RANBP2: variants seen among roughly 807,000 people sequenced by gnomAD.
RANBP2 encodes the protein E3 SUMO-protein ligase RanBP2.
RANBP2 carries 57 observed loss-of-function variants against 303.6 expected under a neutral mutation model. The ratio of observed to expected loss-of-function variants is 0.19; its 90% CI spans 0.15 to 0.23. The LOEUF (loss-of-function observed/expected upper bound fraction) is 0.23, where lower values mean the gene tolerates loss of function less well. Among genes scored for constraint, RANBP2 ranks in the 10% least tolerant of loss-of-function variants. RANBP2 has a pLI of 1.00. For synonymous variants in RANBP2, 1,167 were observed against 1,301.5 expected, an observed-to-expected ratio of 0.90 and a Z score of 2.23; for missense variants, 3,138 against 3,780.8, an observed-to-expected ratio of 0.83 and a Z score of 4.46.
chr2:109,614,023 T>A, the RANBP2 span: 1 of 1,205,384 alleles, frequency 8.3e-7, no homozygotes. Context: ...GGACGCCCTG[T>A]GGTGCGCGCT....
At chr2:109,708,221 A>C in the RANBP2 span, among the ~76,000 whole-genome samples, 1 of 151,780 alleles carries the variant, frequency 6.6e-6, no homozygotes, top group Non-Finnish European at 1.5e-5. Context: ...TTTTAGATGA[A>C]GAAAATTAGA....
the RANBP2 span, chr2:108,798,664 C>T: frequency 4.4e-6 from 5 of 1,141,128 alleles, no homozygotes; most frequent in Middle Eastern, 6.0e-4. Flanking sequence ...AACATTTTGT[C>T]ACATTTGCTT....
the RANBP2 span, among the ~76,000 whole-genome samples, chr2:109,657,714 G>GTTTTTT: frequency 2.6e-4 from 21 of 82,228 alleles, 1 homozygote; most frequent in Non-Finnish European, 3.1e-4. Context: ...AATTAGCTGA[G>GTTTTTT]TTTTTTTTTT....
At chr2:108,996,801 T>C in the RANBP2 span, among the ~76,000 whole-genome samples, 1 of 152,096 alleles carries the variant, frequency 6.6e-6, no homozygotes. Context: ...GCGGGCTAGG[T>C]GGCTTTTCCA....
the RANBP2 span, among the ~76,000 whole-genome samples, chr2:109,624,021 A>T: frequency 6.6e-6 from 1 of 152,226 alleles, no homozygotes; most frequent in African/African-American, 2.4e-5. Flanking sequence ...TGCACTGCAC[A>T]GCTTGGGAAG....
chr2:109,105,541 TA>T, the RANBP2 span, among the ~76,000 whole-genome samples: 2 of 152,216 alleles, frequency 1.3e-5, no homozygotes, highest in African/African-American at 4.8e-5. Context: ...ATTCCTGCTC[TA>T]AAACTCTTTA....
the RANBP2 span, among the ~76,000 whole-genome samples, chr2:109,183,783 A>T: frequency 6.6e-6 from 1 of 152,132 alleles, no homozygotes; most frequent in East Asian, 1.9e-4. Flanking sequence ...TACTCTTTAC[A>T]TATAAGGAGG....
chr2:109,707,226 C>T, the RANBP2 span, among the ~76,000 whole-genome samples: 3 of 152,198 alleles, frequency 2.0e-5, no homozygotes, highest in African/African-American at 7.2e-5. Context: ...ACATGTTTTG[C>T]AGTGCTTTCT....
In RANBP2 at chr2:108,740,630, A is replaced by G. The variant is rs1410995153; in HGVS notation, c.924A>G (p.Gln308=). The change falls in exon 7 of 29, where the codon CAA becomes CAG. Residue 308 remains glutamine, a synonymous_variant. Coordinates refer to ENST00000283195, the MANE Select transcript of RANBP2 (RefSeq NM_006267.5). ...TGGGTCAGCATAGTAGTAATGTTCA[A>G]TGGCGAGCTCTTTCTGAGCTGGCTG... The part of the protein sequence containing the change: ...LKMGQHSSNV[Q]WRALSELAAL... The G allele has an allele frequency of 4.4e-6, 7 of 1,597,434 alleles. No individual in the cohort carries two copies. Among genetic ancestry groups the G allele is most frequent in the Non-Finnish European group, 5.1e-6 (6 of 1,179,782 alleles).
chr2:109,481,722 C>T, the RANBP2 span, among the ~76,000 whole-genome samples: 1 of 152,202 alleles, frequency 6.6e-6, no homozygotes, highest in African/African-American at 2.4e-5. Context: ...AGAGAGCACA[C>T]TAAGTGCAGA....
At chr2:109,421,679 C>T in the RANBP2 span, among the ~76,000 whole-genome samples, 1 of 152,196 alleles carries the variant, frequency 6.6e-6, no homozygotes, top group Non-Finnish European at 1.5e-5. Context: ...GGGCACTTTC[C>T]ACTCAGCTTG....
At position 108,763,251 on chromosome 2, in the gene RANBP2, C is replaced by T. The variant is rs749402736; in HGVS notation, c.2712C>T (p.Gly904=). The change falls in exon 20 of 29, where the codon GGC becomes GGT. Residue 904 remains glycine, a synonymous_variant. Coordinates refer to ENST00000283195, the MANE Select transcript of RANBP2 (RefSeq NM_006267.5). ...NVTPTKGPVY[G]MNRLPPQQHI... ...CTGTCTTTTAGGGCCCAGTCTATGG[C>T]ATGAATAGGCTTCCACCCCAACAGC... 2 of 1,613,632 alleles carry T rather than the reference C, an allele frequency of 1.2e-6. No individual in the cohort carries two copies. Among genetic ancestry groups the T allele is most frequent in the Non-Finnish European group, 1.7e-6 (2 of 1,179,894 alleles).
chr2:109,395,511 T>TCG, the RANBP2 span, among the ~76,000 whole-genome samples: 1 of 152,100 alleles, frequency 6.6e-6, no homozygotes, highest in Non-Finnish European at 1.5e-5. Flanking sequence ...AGGCAGGAGC[T>TCG]CTTACTTCTC....
chr2:108,823,160 C>G, the RANBP2 span, among the ~76,000 whole-genome samples: 2 of 152,064 alleles, frequency 1.3e-5, no homozygotes, highest in African/African-American at 2.4e-5. Flanking sequence ...AAACCCAAAC[C>G]TCCCAACAAT....
At chr2:109,247,933 A>T in the RANBP2 span, among the ~76,000 whole-genome samples, 1 of 152,234 alleles carries the variant, frequency 6.6e-6, no homozygotes, top group Non-Finnish European at 1.5e-5. Flanking sequence ...AAGAAAAGGC[A>T]GACTCCAACG....
the RANBP2 span, among the ~76,000 whole-genome samples, chr2:109,732,465 C>A: frequency 6.6e-6 from 1 of 151,532 alleles, no homozygotes; most frequent in South Asian, 2.1e-4. Context: ...CAGTATGAAC[C>A]ACATACACCT....
At chr2:109,093,784 G>A in the RANBP2 span, among the ~76,000 whole-genome samples, 117 of 151,968 alleles carry the variant, frequency 7.7e-4, no homozygotes, top group East Asian at 0.013. Context: ...GTTCTTCTCC[G>A]TTTTGTCTTC....
At chr2:109,507,000 G>T in the RANBP2 span, among the ~76,000 whole-genome samples, 8 of 152,218 alleles carry the variant, frequency 5.3e-5, no homozygotes, top group Non-Finnish European at 1.0e-4. Flanking sequence ...TGACGGCTGG[G>T]CAGGGTCCAT....
the RANBP2 span, chr2:109,614,342 G>T: frequency 1.4e-6 from 1 of 696,078 alleles, no homozygotes; most frequent in Non-Finnish European, 2.0e-6. Context: ...CCAGTGAGGC[G>T]GTGGCCGAGT....
Sources: allele counts gnomAD v4.1 joint callset (sites outside exome capture counted in the v4.1 genomes callset), GRCh38; gene constraint gnomAD v4.1.1; transcripts MANE v1.5; gene names NCBI Gene and HGNC (gene_info 2026-07-23, HGNC 2026-07-21).